Variants in MYBBP1A observed in about 807,000 individuals in gnomAD.
MYBBP1A encodes the protein myb-binding protein 1A.
In MYBBP1A, 147 loss-of-function variants were observed where a neutral mutation model predicts 136.3. That is an observed-to-expected ratio of 1.08 (90% CI 0.94 to 1.24). MYBBP1A has a LOEUF of 1.24. MYBBP1A is among the 50% of genes most tolerant of loss of function. The pLI, the probability that MYBBP1A is intolerant of heterozygous loss-of-function variation, is 0.00. For synonymous variants in MYBBP1A, 947 were observed against 735.8 expected (o/e 1.29, Z -4.65); for missense variants, 2,060 against 1,727.4 (o/e 1.19, Z -3.41).
chr17:4,550,750 C>A (rs928854402), intron 8 of MYBBP1A, among the ~76,000 whole-genome samples: 2 of 152,276 alleles, frequency 1.3e-5, no homozygotes, highest in South Asian at 2.1e-4. Context: ...GGGTTCAAAG[C>A]CCACGCTGCC....
Position 4,544,742 on chromosome 17 carries a change from C to T in MYBBP1A, c.2481+9G>A, listed in dbSNP as rs565925499. ...GGCGGGGGTGGGTGCGGCCCGCCCC[C>T]AGGCTCACCCGGATCTGGAAGTCGC... On this transcript the variant is annotated intron_variant, in intron 18 of 25. Coordinates refer to ENST00000254718, the MANE Select transcript of MYBBP1A (RefSeq NM_014520.4). 6.9e-5 allele frequency: 106 copies of T among 1,538,038 alleles called. 1 individual carries two copies. In the South Asian group the frequency reaches 1.1e-3, roughly 16 times the overall value.
chr17:4,541,386 A>G (rs965593863), intron 24 of MYBBP1A, 77 bp downstream of exon 24: 19 of 1,277,198 alleles, frequency 1.5e-5, no homozygotes, highest in Non-Finnish European at 2.0e-5. Flanking sequence ...CAGCCCGGGC[A>G]TGGCACTGCT....
At position 4,542,317 on chromosome 17, in the gene MYBBP1A, T is replaced by C. The variant is rs1410639195; in HGVS notation, c.3087+147A>G. 11 of 919,626 alleles carry C rather than the reference T, an allele frequency of 1.2e-5. No individual in the cohort carries two copies. In the Admixed American group the frequency reaches 1.5e-4, roughly 12 times the overall value. The allele number at this position is 919,626 out of a possible 1,614,324, so 57.0% of individuals were successfully genotyped here. A position where few individuals can be genotyped will look rare whatever the true frequency, so the allele number is the denominator to read the frequency against. ...GCACGGCCACCCCCTTCAGAGACCA[T>C]GTACCCACAGCCAAGCCAGTGGGGC... On this transcript the variant is annotated intron_variant, in intron 22 of 25. Coordinates refer to ENST00000254718, the MANE Select transcript of MYBBP1A (RefSeq NM_014520.4).
rs774788493 is a variant in MYBBP1A, at chr17:4,544,900, C to T, written c.2332G>A (p.Glu778Lys). The T allele has an allele frequency of 8.1e-6, 13 of 1,603,574 alleles. No homozygotes were observed. The highest frequency in any genetic ancestry group is 3.3e-4 in the Middle Eastern group (2 of 6,064). ...ATGGCCTCATCCCCCAGCTCCTCCT[C>T]GTTCTCACTGTCCTCTCCACCCTGA... The part of the protein sequence containing the change: ...KALGGEDSEN[E>K]EELGDEAMMA... Residue 778 changes from glutamate to lysine, a missense_variant, in exon 18 of 26, where the codon GAG (glutamate) becomes AAG (lysine). Transcript: ENST00000254718.
chr17:4,540,252 T>C, intron 25 of MYBBP1A, 96 bp downstream of exon 25: 1 of 1,446,276 alleles, frequency 6.9e-7, no homozygotes, highest in East Asian at 2.3e-5. Flanking sequence ...GCAGTGTGCG[T>C]GTGCAGCAGC....
intron 16 of MYBBP1A, 27 bp downstream of exon 16, chr17:4,545,231 GC>G: frequency 6.5e-7 from 1 of 1,537,328 alleles, no homozygotes. Context: ...ACTCCCCACC[GC>G]CCCCGCCCGG....
At position 4,554,919 on chromosome 17, in the gene MYBBP1A, G is replaced by A. The variant is rs752462283; in HGVS notation, c.236C>T (p.Thr79Met). 12 of 1,613,540 alleles carry A rather than the reference G, an allele frequency of 7.4e-6. No individual in the cohort carries two copies. The highest frequency in any genetic ancestry group is 6.6e-5 in the South Asian group (6 of 91,080). The change falls in exon 2 of 26, where the codon ACG (threonine) becomes ATG (methionine). Residue 79 changes from threonine (T) to methionine (M), a missense_variant. Coordinates refer to ENST00000254718, the MANE Select transcript of MYBBP1A (RefSeq NM_014520.4). Reference protein sequence around the residue: ...EMKYALKRLITGLGVGRETAR... With the variant: ...EMKYALKRLIMGLGVGRETAR... Reference sequence around the variant, plus strand: ...TGTTTCTCGCCCGACCCCGAGTCCCGTGATTAGACGCTTCAGGGCATATTT... The same window carrying A: ...TGTTTCTCGCCCGACCCCGAGTCCCATGATTAGACGCTTCAGGGCATATTT...
chr17:4,552,650 C>T lies in MYBBP1A; in HGVS notation c.562-24G>A, dbSNP rs371652886. The T allele has an allele frequency of 3.0e-5, 48 of 1,605,326 alleles. No individual in the cohort carries two copies. The highest frequency in any genetic ancestry group is 3.7e-5 in the Non-Finnish European group (43 of 1,174,536). On this transcript the variant is annotated intron_variant, in intron 5 of 25. Transcript: ENST00000254718. This position sits in a 1 kb window ranked among gnomAD's most constrained non-coding sequence, Gnocchi z 4.7. ...ACCTAAGGATGGAGGGAGAAGAAATCGTGACTTCCTCTGCGGGGTGAGCCT... is the reference window on the plus strand; with the variant it reads ...ACCTAAGGATGGAGGGAGAAGAAATTGTGACTTCCTCTGCGGGGTGAGCCT...
intron 15 of MYBBP1A, 97 bp downstream of exon 15, chr17:4,545,513 C>T: frequency 5.3e-6 from 8 of 1,510,030 alleles, no homozygotes; most frequent in Non-Finnish European, 7.1e-6. Context: ...GCCGCAGGCT[C>T]CCGGCAGGGA....
intron 5 of MYBBP1A, 132 bp downstream of exon 5, chr17:4,553,678 G>A: frequency 1.5e-6 from 1 of 673,170 alleles, no homozygotes; most frequent in East Asian, 2.7e-5. Flanking sequence ...TTTCAACAAA[G>A]TCACTGAAAC....
At chr17:4,553,624 A>C (rs1247566667) in intron 5 of MYBBP1A, among the ~76,000 whole-genome samples, 186 bp downstream of exon 5, 1 of 152,262 alleles carries the variant, frequency 6.6e-6, no homozygotes, top group Non-Finnish European at 1.5e-5. Flanking sequence ...GATAAAGTCA[A>C]ATGTCACTAA....
rs201942183 is a variant in MYBBP1A at position 4,541,935 on chromosome 17, G to C, written c.3088-44C>G. 310 of 1,526,586 alleles carry C rather than the reference G, an allele frequency of 2.0e-4. No homozygotes were observed. In the African/African-American group the frequency reaches 2.2e-3, roughly 11 times the overall value. 94.6% of individuals were successfully genotyped at this position (1,526,586 alleles called of 1,614,324 possible). On this transcript the variant is annotated intron_variant, in intron 22 of 25. Coordinates refer to ENST00000254718, the MANE Select transcript of MYBBP1A (RefSeq NM_014520.4). Reference sequence around the variant, plus strand: ...GGGTGGCAGGAGCCTTGGCACGTTGGGTGCTCACGGCTCAGGGATGCATGA... The same window carrying C: ...GGGTGGCAGGAGCCTTGGCACGTTGCGTGCTCACGGCTCAGGGATGCATGA...
chr17:4,540,158 C>CCTGCGAGGG (rs1278811291), intron 25 of MYBBP1A, among the ~76,000 whole-genome samples, 190 bp downstream of exon 25: 594 of 125,006 alleles, frequency 4.8e-3, no homozygotes, highest in East Asian at 8.0e-3. Context: ...TCCTGCGAGG[C>CCTGCGAGGG]TCCTGCGAGG....
At chr17:4,545,572 C>A (rs1287744238) in intron 15 of MYBBP1A, 38 bp downstream of exon 15, 2 of 1,548,140 alleles carry the variant, frequency 1.3e-6, no homozygotes, top group Non-Finnish European at 1.7e-6. Context: ...GCTCAGTGAG[C>A]CCCAGCCCAC....
chr17:4,544,814 G>A lies in MYBBP1A; in HGVS notation c.2418C>T (p.Ala806=). The A allele has an allele frequency of 2.5e-6, 4 of 1,604,366 alleles. No individual in the cohort carries two copies. The highest frequency in any genetic ancestry group is 3.4e-6 in the Non-Finnish European group (4 of 1,176,110). ...GCAGCTTGTTCTTCTCGTCTCGCCG[G>A]GCCTGGATACGCAGCTTCTGCTCGG... ...LFAEQKLRIQ[A]RRDEKNKLQK... Residue 806 remains alanine, a synonymous_variant, in exon 18 of 26, where the codon GCC becomes GCT. Coordinates refer to ENST00000254718, the MANE Select transcript of MYBBP1A (RefSeq NM_014520.4).
chr17:4,551,792 C>A (rs1197871447), intron 8 of MYBBP1A, 88 bp downstream of exon 8: 2 of 1,168,958 alleles, frequency 1.7e-6, no homozygotes, highest in African/African-American at 1.5e-5. Flanking sequence ...TCTAGCCAAG[C>A]CCCCGAGGTG....
In MYBBP1A at chr17:4,544,741, C is replaced by T; in HGVS notation, c.2481+10G>A. On this transcript the variant is annotated intron_variant, in intron 18 of 25. Transcript: ENST00000254718. ...AGGCGGGGGTGGGTGCGGCCCGCCC[C>T]CAGGCTCACCCGGATCTGGAAGTCG... 1 of 1,544,232 alleles carries T rather than the reference C, an allele frequency of 6.5e-7. No individual in the cohort carries two copies. Among genetic ancestry groups the T allele is most frequent in the Non-Finnish European group, 8.8e-7 (1 of 1,141,734 alleles).
rs1906211892 is a variant in MYBBP1A at position 4,539,956 on chromosome 17, A to C, written c.3446T>G (p.Leu1149Trp). 1.9e-6 allele frequency: 3 copies of C among 1,597,514 alleles called. No individual in the cohort carries two copies. The highest frequency in any genetic ancestry group is 1.3e-5 in the African/African-American group (1 of 74,630). The change falls in exon 26 of 26, where the codon TTG (leucine) becomes TGG (tryptophan). Residue 1149 changes from leucine to tryptophan, a missense_variant. By Grantham distance (61) the Leu-to-Trp change is moderately conservative. Coordinates refer to ENST00000254718, the MANE Select transcript of MYBBP1A (RefSeq NM_014520.4). Reference protein sequence around the residue: ...MKTLGVQRPKLEKKDAKEIPS... With the variant: ...MKTLGVQRPKWEKKDAKEIPS... ...GATCTCCTTGGCATCCTTCTTCTCCAACTTGGGGCGCCTGAAGGGAAGTGA... is the reference window on the plus strand; with the variant it reads ...GATCTCCTTGGCATCCTTCTTCTCCCACTTGGGGCGCCTGAAGGGAAGTGA...
chr17:4,539,704 G>A lies in MYBBP1A; in HGVS notation c.3698C>T (p.Pro1233Leu). Residue 1233 changes from proline to leucine, a missense_variant, in exon 26 of 26, where the codon CCA becomes CTA. By Grantham distance (98) the Pro-to-Leu change is moderately conservative. Transcript: ENST00000254718. ...GCTCCGGGTGGGGGCGCCAGGGGCT[G>A]GACTCTTGGTGGTTGGCGTCCCGTT... ...QANGTPTTKSPAPGAPTRSPS... is the reference protein window; with the variant it reads ...QANGTPTTKSLAPGAPTRSPS... 2 of 1,609,656 alleles carry A rather than the reference G, an allele frequency of 1.2e-6. No homozygotes were observed. Among genetic ancestry groups the A allele is most frequent in the Non-Finnish European group, 1.7e-6 (2 of 1,177,100 alleles).
Sources: allele counts gnomAD v4.1 joint callset (sites outside exome capture counted in the v4.1 genomes callset), GRCh38; gene constraint gnomAD v4.1.1; non-coding constraint Gnocchi (gnomAD v3.1); transcripts MANE v1.5; gene names NCBI Gene and HGNC (gene_info 2026-07-23, HGNC 2026-07-21).